Variants in SF3A2 observed in about 807,000 individuals in gnomAD.
The protein encoded by SF3A2 is SAP 62.
Under a neutral mutation model 31.1 loss-of-function variants are expected in SF3A2, and 5 were observed. That is an observed-to-expected ratio of 0.16 (90% CI 0.08 to 0.34). The LOEUF (loss-of-function observed/expected upper bound fraction) is 0.34, where lower values mean the gene tolerates loss of function less well. Ranked by LOEUF, SF3A2 falls within the 10% of genes least tolerant of loss-of-function variation. SF3A2 has a pLI of 1.00. For missense variants in SF3A2, 577 were observed against 643.9 expected, an observed-to-expected ratio of 0.90 and a Z score of 1.13; for synonymous variants, 365 against 263.7, an observed-to-expected ratio of 1.38 and a Z score of -3.72.
intron 3 of SF3A2, 50 bp from the exon 4 acceptor site, chr19:2,244,683 T>C (rs914618727): frequency 6.2e-6 from 10 of 1,612,156 alleles, no homozygotes; most frequent in Non-Finnish European, 7.6e-6. Context: ...GGGACCTGCC[T>C]GTGTCTGTCC....
At position 2,246,660 on chromosome 19, in the gene SF3A2, C is replaced by G; in HGVS notation, c.356-93C>G. The G allele has an allele frequency of 1.4e-6, 2 of 1,465,814 alleles. No homozygotes were observed. Among genetic ancestry groups the G allele is most frequent in the Admixed American group, 1.8e-5 (1 of 54,258 alleles). 90.8% of individuals were successfully genotyped at this position (1,465,814 alleles called of 1,614,324 possible). Reference sequence around the variant, plus strand: ...AGCTGCAGGGCCTCCCCCGGGGTCCCGCTCTCGTTCAGTGGGTGGCATTAG... The same window carrying G: ...AGCTGCAGGGCCTCCCCCGGGGTCCGGCTCTCGTTCAGTGGGTGGCATTAG... On this transcript the variant is annotated intron_variant, in intron 5 of 8. Coordinates refer to ENST00000221494, the MANE Select transcript of SF3A2 (RefSeq NM_007165.5). This position sits in a 1 kb window ranked among gnomAD's most constrained non-coding sequence, Gnocchi z 5.5.
At chr19:2,242,492 C>T (rs2024900044) in intron 1 of SF3A2, among the ~76,000 whole-genome samples, 1 of 152,196 alleles carries the variant, frequency 6.6e-6, no homozygotes, top group African/African-American at 2.4e-5. Context: ...GGATCACCTG[C>T]CATTTTAAGA....
Position 2,248,561 on chromosome 19 carries a change from C to T in SF3A2, c.*15C>T. The T allele has an allele frequency of 4.4e-6, 4 of 899,342 alleles. No homozygotes were observed. Among genetic ancestry groups the T allele is most frequent in the Non-Finnish European group, 6.2e-6 (4 of 649,604 alleles). 55.7% of individuals were successfully genotyped at this position (899,342 alleles called of 1,614,324 possible). A position where few individuals can be genotyped will look rare whatever the true frequency, so the allele number is the denominator to read the frequency against. On this transcript the variant is annotated 3_prime_UTR_variant, in exon 9 of 9. Coordinates refer to ENST00000221494, the MANE Select transcript of SF3A2 (RefSeq NM_007165.5). ...CAACCAACTGAGAAGCTGCTCCCTC[C>T]CCCAGCAAGCCCAGCGCCAGGTGCT...
At chr19:2,241,494 C>T (rs1269582020) in intron 1 of SF3A2, among the ~76,000 whole-genome samples, 1 of 152,198 alleles carries the variant, frequency 6.6e-6, no homozygotes, top group Non-Finnish European at 1.5e-5. Context: ...AAAAATGAGG[C>T]ACTTCATGAA....
intron 2 of SF3A2, among the ~76,000 whole-genome samples, chr19:2,244,017 G>C (rs2024911475): frequency 1.3e-5 from 2 of 152,356 alleles, no homozygotes; most frequent in Admixed American, 1.3e-4. Context: ...CATGGGTAGA[G>C]GGGGTGCCAC....
chr19:2,242,120 AGC>A (rs1320721526), intron 1 of SF3A2, among the ~76,000 whole-genome samples: 1 of 145,882 alleles, frequency 6.9e-6, no homozygotes, highest in Non-Finnish European at 1.5e-5. Flanking sequence ...CCTGTCCCTC[AGC>A]GTGCCCCTGC....
Position 2,243,562 on chromosome 19 carries a change from C to T in SF3A2, c.126+18C>T. 2 of 1,535,498 alleles carry T rather than the reference C, an allele frequency of 1.3e-6. No individual in the cohort carries two copies. The highest frequency in any genetic ancestry group is 1.7e-6 in the Non-Finnish European group (2 of 1,150,198). ...TCAACAAGGTGGGCCAGCCACCGTG[C>T]AGCTGCCTGTGGTGGGTGCTGGGCT... On this transcript the variant is annotated intron_variant, in intron 2 of 8. Coordinates refer to ENST00000221494, the MANE Select transcript of SF3A2 (RefSeq NM_007165.5).
intron 2 of SF3A2, 31 bp from the exon 3 acceptor site, chr19:2,244,513 T>G (rs759342075): frequency 1.1e-5 from 18 of 1,592,668 alleles, no homozygotes; most frequent in Admixed American, 5.1e-5. Flanking sequence ...CGCGATCTTC[T>G]GTCTAACGGG....
intron 1 of SF3A2, among the ~76,000 whole-genome samples, chr19:2,243,137 A>G (rs561732443): frequency 6.6e-6 from 1 of 152,260 alleles, no homozygotes; most frequent in Admixed American, 6.5e-5. Context: ...TCCATCCCTC[A>G]TGCCTGGTCA....
rs575855676 is a variant in SF3A2 at position 2,241,551 on chromosome 19, C to T, written c.-37-1831C>T. Among the ~76,000 whole-genome samples, 6 of 152,338 alleles carry T rather than the reference C, an allele frequency of 3.9e-5. No individual in the cohort carries two copies. The East Asian group carries it at 5.8e-4, about 15-fold the overall frequency. On this transcript the variant is annotated intron_variant, in intron 1 of 8. Transcript: ENST00000221494. ...CAATCCTGCCCGCCTGTGGGCCGTCCGGAGACAGAACCTCCCAGGCAGCTG... is the reference window on the plus strand; with the variant it reads ...CAATCCTGCCCGCCTGTGGGCCGTCTGGAGACAGAACCTCCCAGGCAGCTG...
At position 2,246,362 on chromosome 19, in the gene SF3A2, C is replaced by T. The variant is rs1180978297; in HGVS notation, c.356-391C>T. Among the ~76,000 whole-genome samples the T allele has an allele frequency of 3.3e-5, 5 of 152,122 alleles. No homozygotes were observed. The highest frequency in any genetic ancestry group is 1.3e-4 in the Admixed American group (2 of 15,282). ...CTCTGGCGGGAAGGGCATCCTCTCT[C>T]GCTCACCGTATACATGGTGTCAGCC... On this transcript the variant is annotated intron_variant, in intron 5 of 8. Coordinates refer to ENST00000221494, the MANE Select transcript of SF3A2 (RefSeq NM_007165.5). This position sits in a 1 kb window ranked among gnomAD's most constrained non-coding sequence, Gnocchi z 5.5.
chr19:2,246,032 T>C lies in SF3A2; in HGVS notation c.355+477T>C, dbSNP rs370420022. Among the ~76,000 whole-genome samples the C allele has an allele frequency of 7.2e-5, 11 of 152,196 alleles. No individual in the cohort carries two copies. Among genetic ancestry groups the C allele is most frequent in the African/African-American group, 2.4e-4 (10 of 41,438 alleles). On this transcript the variant is annotated intron_variant, in intron 5 of 8. Coordinates refer to ENST00000221494, the MANE Select transcript of SF3A2 (RefSeq NM_007165.5). The surrounding 1 kb of genome is among the most constrained non-coding windows in gnomAD (Gnocchi z 5.5). ...GACCAGGGTGGAAGATAGAGACTTG[T>C]GTCCATAGGGTTCAGGAAGGCGGGC...
Position 2,247,794 on chromosome 19 carries a change from G to T in SF3A2, c.643G>T (p.Glu215Ter). The change falls in exon 9 of 9, where the codon GAG becomes TAG. Residue 215 changes from glutamate to a stop codon, truncating the protein, a stop_gained. Coordinates refer to ENST00000221494, the MANE Select transcript of SF3A2 (RefSeq NM_007165.5). LOFTEE classifies it low-confidence loss of function (END_TRUNC). ...QFFLQFHFKM[E>*]KPPAPPSLPA... ...CTTCCTCCAGTTCCACTTTAAGATG[G>T]AGAAGCCCCCGGCTCCACCCAGCCT... is the stretch of plus-strand genomic sequence containing the variant. 1 of 1,611,098 alleles carries T rather than the reference G, an allele frequency of 6.2e-7. No individual in the cohort carries two copies.
At chr19:2,243,298 C>T (rs2024906251) in intron 1 of SF3A2, 84 bp from the exon 2 acceptor site, 2 of 1,206,034 alleles carry the variant, frequency 1.7e-6, no homozygotes, top group Non-Finnish European at 2.3e-6. Flanking sequence ...GTCTCGAGGG[C>T]TCCAGCCCAG....
At position 2,248,381 on chromosome 19, in the gene SF3A2, A is replaced by G; in HGVS notation, c.1230A>G (p.Gln410=). The stretch of plus-strand genomic sequence containing the variant: ...CTCAGGCCCCGGGGGTCCACCCCCA[A>G]CCTCCCGGGGTCCATCCGTCGGCTC... ...MHPQAPGVHP[Q]PPGVHPSAPG... Residue 410 remains glutamine, a synonymous_variant, in exon 9 of 9, where the codon CAA becomes CAG. Transcript: ENST00000221494. 1 of 1,369,418 alleles carries G rather than the reference A, an allele frequency of 7.3e-7. No individual in the cohort carries two copies. The highest frequency in any genetic ancestry group is 1.6e-5 in the African/African-American group (1 of 63,512). The allele number at this position is 1,369,418 out of a possible 1,614,324, so 84.8% of individuals were successfully genotyped here.
intron 1 of SF3A2, among the ~76,000 whole-genome samples, chr19:2,240,778 A>G (rs1387554563): frequency 2.0e-5 from 3 of 152,194 alleles, no homozygotes; most frequent in Admixed American, 1.3e-4. Context: ...CGTTCTGGAA[A>G]TGTCACTAAA....
chr19:2,243,382 G>T lies in SF3A2; in HGVS notation c.-37G>T. 1 of 1,495,304 alleles carries T rather than the reference G, an allele frequency of 6.7e-7. No individual in the cohort carries two copies. Among genetic ancestry groups the T allele is most frequent in the Non-Finnish European group, 8.9e-7 (1 of 1,126,744 alleles). 92.6% of individuals were successfully genotyped at this position (1,495,304 alleles called of 1,614,324 possible). ...CTCACTCTCCTCTTGGCCTCCACAG[G>T]TGTCTCCCAGTCTGCTAAAGCCCTA... On this transcript the variant is annotated splice_region_variant and 5_prime_UTR_variant, in exon 2 of 9. Coordinates refer to ENST00000221494, the MANE Select transcript of SF3A2 (RefSeq NM_007165.5).
At chr19:2,237,985 C>T (rs1328713653) in intron 1 of SF3A2, 2 of 152,274 alleles carry the variant, frequency 1.3e-5, no homozygotes, top group East Asian at 3.8e-4. Flanking sequence ...GGCCACTTTT[C>T]CTCAATTCTT....
At chr19:2,242,804 C>T (rs1202878860) in intron 1 of SF3A2, among the ~76,000 whole-genome samples, 1 of 152,142 alleles carries the variant, frequency 6.6e-6, no homozygotes, top group African/African-American at 2.4e-5. Flanking sequence ...CTCAGCAGAG[C>T]CCCCTGCGCC....
Sources: allele counts gnomAD v4.1 joint callset (sites outside exome capture counted in the v4.1 genomes callset), GRCh38; gene constraint gnomAD v4.1.1; non-coding constraint Gnocchi (gnomAD v3.1); transcripts MANE v1.5; gene names NCBI Gene and HGNC (gene_info 2026-07-23, HGNC 2026-07-21).